The following PTPRS variants were observed in gnomAD, a reference collection of about 807,000 sequenced individuals.
PTPRS encodes protein tyrosine phosphatase receptor type S.
In PTPRS, 63 loss-of-function variants were observed where a neutral mutation model predicts 215.3. The ratio of observed to expected loss-of-function variants is 0.29; its 90% CI spans 0.24 to 0.36. PTPRS has a LOEUF of 0.36. PTPRS is among the 10% of genes least tolerant of loss of function. The probability of loss-of-function intolerance (pLI) is 1.00; values close to 1 mark genes in which losing one functional copy is unlikely to be tolerated. For synonymous variants in PTPRS, 1,404 were observed against 1,191.4 expected, an observed-to-expected ratio of 1.18 and a Z score of -3.68; for missense variants, 2,258 against 2,825.8, an observed-to-expected ratio of 0.80 and a Z score of 4.56.
At chr19:5,308,435 C>G (rs963226571) in intron 1 of PTPRS, among the ~76,000 whole-genome samples, 1 of 152,320 alleles carries the variant, frequency 6.6e-6, no homozygotes, top group Middle Eastern at 3.4e-3. Flanking sequence ...CCAGTCCCAG[C>G]ATGGGGCCAA....
chr19:5,206,438 G>A lies in PTPRS; in HGVS notation c.*336C>T, dbSNP rs557136182. 1 of 363,530 alleles carries A rather than the reference G, an allele frequency of 2.8e-6. No individual in the cohort carries two copies. Among genetic ancestry groups the A allele is most frequent in the African/African-American group, 2.1e-5 (1 of 47,916 alleles). 22.5% of individuals were successfully genotyped at this position (363,530 alleles called of 1,614,324 possible). ...GGGGAGGACGAGGGGTCCGTCTATG[G>A]TCTGTGCCCCACCCTCCTCTGGTTC... On this transcript the variant is annotated 3_prime_UTR_variant, in exon 38 of 38. Coordinates refer to ENST00000262963, the MANE Select transcript of PTPRS (RefSeq NM_002850.4).
chr19:5,254,229 C>CT (rs2045377157), intron 9 of PTPRS, among the ~76,000 whole-genome samples: 1 of 152,186 alleles, frequency 6.6e-6, no homozygotes, highest in East Asian at 1.9e-4. Context: ...GGTTAATAAG[C>CT]AAATCTTACT....
chr19:5,318,796 G>A (rs557371348), intron 1 of PTPRS, among the ~76,000 whole-genome samples: 2 of 152,262 alleles, frequency 1.3e-5, no homozygotes, highest in African/African-American at 4.8e-5. Flanking sequence ...GGGATTACAG[G>A]CATGAGCCAT....
At chr19:5,300,240 CAA>C (rs67349608) in intron 1 of PTPRS, among the ~76,000 whole-genome samples, 26 of 113,440 alleles carry the variant, frequency 2.3e-4, no homozygotes, top group Admixed American at 3.6e-4. Context: ...GACTCCATCT[CAA>C]AAAAAAAAAA....
chr19:5,216,320 G>A (rs2041446915), intron 26 of PTPRS, among the ~76,000 whole-genome samples: 1 of 152,086 alleles, frequency 6.6e-6, no homozygotes, highest in South Asian at 2.1e-4. Context: ...CCTCTCCTGG[G>A]ACCTGTGTAC....
chr19:5,209,008 GTCCACCATCCAACACCATCATCT>G (rs1183072570), intron 35 of PTPRS, among the ~76,000 whole-genome samples: 6 of 151,702 alleles, frequency 4.0e-5, no homozygotes, highest in Non-Finnish European at 8.8e-5. Flanking sequence ...ATCTTTCATC[GTCCACCATCCAACACCATCATCT>G]TCCACCATCC....
intron 4 of PTPRS, among the ~76,000 whole-genome samples, chr19:5,267,722 C>CT (rs2046537669): frequency 6.6e-6 from 1 of 150,430 alleles, no homozygotes; most frequent in South Asian, 2.2e-4. Context: ...CCCCCCCGCC[C>CT]CCCCAACTCC....
intron 2 of PTPRS, among the ~76,000 whole-genome samples, chr19:5,278,759 G>A (rs1475936544): frequency 1.3e-5 from 2 of 152,040 alleles, no homozygotes; most frequent in Non-Finnish European, 2.9e-5. Context: ...ACAGGCGTGA[G>A]CCACCCTGCC....
Position 5,338,145 on chromosome 19 carries a change from G to A in PTPRS, c.-95+2519C>T, listed in dbSNP as rs2050566421. Among the ~76,000 whole-genome samples, 1 of 152,154 alleles carries A rather than the reference G, an allele frequency of 6.6e-6. No homozygotes were observed. Among genetic ancestry groups the A allele is most frequent in the East Asian group, 1.9e-4 (1 of 5,178 alleles). On this transcript the variant is annotated intron_variant, in intron 1 of 37. Transcript: ENST00000262963. The surrounding 1 kb of genome is among the most constrained non-coding windows in gnomAD (Gnocchi z 4.2). ...GGGCCAGTCCACCGCCTCTTGGGACGGCATCTCTGGACGGCCACTGACAGT... is the reference window on the plus strand; with the variant it reads ...GGGCCAGTCCACCGCCTCTTGGGACAGCATCTCTGGACGGCCACTGACAGT...
At chr19:5,215,144 T>C (rs2041304584) in intron 28 of PTPRS, 145 bp downstream of exon 28, 3 of 1,059,276 alleles carry the variant, frequency 2.8e-6, no homozygotes, top group Admixed American at 2.4e-5. Flanking sequence ...TAAATACATA[T>C]CTAAAGATGC....
intron 4 of PTPRS, among the ~76,000 whole-genome samples, chr19:5,272,720 C>T (rs890746694): frequency 6.6e-6 from 1 of 150,480 alleles, no homozygotes; most frequent in African/African-American, 2.4e-5. Flanking sequence ...TTTCTGCCTA[C>T]CTAGCATCCG....
Position 5,328,517 on chromosome 19 carries a change from C to T in PTPRS, c.-95+12147G>A, listed in dbSNP as rs749955323. 3.6e-4 allele frequency among the ~76,000 whole-genome samples: 54 copies of T among 151,976 alleles called. 1 individual carries two copies. The highest frequency in any genetic ancestry group is 1.5e-4 in the Non-Finnish European group (10 of 67,980). The stretch of plus-strand genomic sequence containing the variant: ...CCTCCCAAAGTGTTGGGATTATAGG[C>T]GTGAACCACCGCGCCCGGCCCTTAC... On this transcript the variant is annotated intron_variant, in intron 1 of 37. Coordinates refer to ENST00000262963, the MANE Select transcript of PTPRS (RefSeq NM_002850.4).
In PTPRS at chr19:5,208,074, G is replaced by A. The variant is rs764663502; in HGVS notation, c.5643-17C>T. On this transcript the variant is annotated splice_polypyrimidine_tract_variant and intron_variant, in intron 36 of 37. Transcript: ENST00000262963. The stretch of plus-strand genomic sequence containing the variant: ...ACGCCGGCACTGGTGGCAGTAAAGT[G>A]AGCACAGCCATTCAGGGGCAGGTGC... 83 of 1,606,422 alleles carry A rather than the reference G, an allele frequency of 5.2e-5. No individual in the cohort carries two copies. In the East Asian group the frequency reaches 1.8e-3, roughly 35 times the overall value.
At chr19:5,264,312 G>T (rs2046247764) in intron 5 of PTPRS, among the ~76,000 whole-genome samples, 1 of 152,098 alleles carries the variant, frequency 6.6e-6, no homozygotes, top group African/African-American at 2.4e-5. Context: ...ATTCTCACTG[G>T]ACGTGCCTAA....
rs10527451 is a variant in PTPRS, at chr19:5,272,595, C to CAAAAAAAAAAAAAAAAAA, written c.379+829_379+846dup. 8.7e-4 allele frequency among the ~76,000 whole-genome samples: 64 copies of CAAAAAAAAAAAAAAAAAA among 73,440 alleles called. 1 individual carries two copies. The highest frequency in any genetic ancestry group is 1.2e-3 in the Non-Finnish European group (46 of 38,002). 48.2% of individuals were successfully genotyped at this position (73,440 alleles called of 152,430 possible). A position where few individuals can be genotyped will look rare whatever the true frequency, so the allele number is the denominator to read the frequency against. On this transcript the variant is annotated intron_variant, in intron 4 of 37. Coordinates refer to ENST00000262963, the MANE Select transcript of PTPRS (RefSeq NM_002850.4). ...CCAGCGCAACAAAGCAAGACTGTCT[C>CAAAAAAAAAAAAAAAAAA]AAAAAAAAAAAAAAAAAAAAAAAAA...
At chr19:5,332,868 G>C (rs937508713) in intron 1 of PTPRS, among the ~76,000 whole-genome samples, 1 of 152,266 alleles carries the variant, frequency 6.6e-6, no homozygotes, top group African/African-American at 2.4e-5. Flanking sequence ...AATGCAATTT[G>C]TTAGACGCGG....
intron 2 of PTPRS, chr19:5,277,760 G>A: frequency 1.4e-6 from 1 of 705,828 alleles, no homozygotes. Flanking sequence ...TCCTCATGAA[G>A]CCCAAGATCG....
At chr19:5,278,243 G>A (rs1292509449) in intron 2 of PTPRS, 1 of 391,294 alleles carries the variant, frequency 2.6e-6, no homozygotes, top group Non-Finnish European at 4.7e-6. Context: ...GTTTCAGACA[G>A]GGACTCGCTC....
chr19:5,221,065 G>A lies in PTPRS; in HGVS notation c.3390C>T (p.Pro1130=). ...TGATGAAGCCGTCAGCATCAGGCTTGGGGGCGACGCTGGGCTTGCCGTTGA... is the reference window on the plus strand; with the variant it reads ...TGATGAAGCCGTCAGCATCAGGCTTAGGGGCGACGCTGGGCTTGCCGTTGA... The part of the protein sequence containing the change: ...NLLNGKPSVA[P]KPDADGFIMV... Residue 1130 remains proline (P), a synonymous_variant, in exon 20 of 38, where the codon CCC becomes CCT. Coordinates refer to ENST00000262963, the MANE Select transcript of PTPRS (RefSeq NM_002850.4). 2 of 1,613,852 alleles carry A rather than the reference G, an allele frequency of 1.2e-6. No homozygotes were observed. Among genetic ancestry groups the A allele is most frequent in the Non-Finnish European group, 1.7e-6 (2 of 1,179,986 alleles).
Sources: gnomAD v4.1 joint callset for allele counts (sites outside exome capture counted in the v4.1 genomes callset) on GRCh38, gnomAD v4.1.1 for gene constraint, Gnocchi (gnomAD v3.1) non-coding constraint, MANE v1.5 for transcripts, NCBI Gene and HGNC (gene_info 2026-07-23, HGNC 2026-07-21) for gene names.